Variants in ZNF732 observed in about 807,000 individuals in gnomAD.
The protein encoded by ZNF732 is zinc finger protein 732, also known as zinc finger protein LOC654254.
ZNF732 carries 12 observed loss-of-function variants against 11.5 expected under a neutral mutation model. The observed-to-expected ratio is 1.05, with a 90% CI of 0.67 to 1.70. The LOEUF (loss-of-function observed/expected upper bound fraction) is 1.70. ZNF732 is among the 40% of genes most tolerant of loss of function. ZNF732 has a pLI of 0.00. For synonymous variants in ZNF732, 231 were observed against 236.5 expected (o/e 0.98, Z 0.21); for missense variants, 702 against 676.9 (o/e 1.04, Z -0.41).
rs1553837037 is a variant in ZNF732 at position 270,863 on chromosome 4, C to G, written c.*236G>C. The G allele has an allele frequency of 2.8e-6, 2 of 704,480 alleles. No individual in the cohort carries two copies. The allele number at this position is 704,480 out of a possible 1,614,324, so 43.6% of individuals were successfully genotyped here. A position where few individuals can be genotyped will look rare whatever the true frequency, so the allele number is the denominator to read the frequency against. Reference sequence around the variant, plus strand: ...TCTTCACATTTGTAGGGTTGCTCTCCAGCATCAATTTTCTTATGTTGATTC... The same window carrying G: ...TCTTCACATTTGTAGGGTTGCTCTCGAGCATCAATTTTCTTATGTTGATTC... On this transcript the variant is annotated 3_prime_UTR_variant, in exon 4 of 4. Transcript: ENST00000419098.
intron 1 of ZNF732, among the ~76,000 whole-genome samples, chr4:303,597 CA>C (rs1720162420): frequency 1.3e-5 from 2 of 152,178 alleles, no homozygotes; most frequent in Admixed American, 6.5e-5. Context: ...GCCTGGGCAA[CA>C]GAGTGAGACT....
At chr4:301,757 T>C (rs1240553984) in intron 1 of ZNF732, among the ~76,000 whole-genome samples, 1 of 152,142 alleles carries the variant, frequency 6.6e-6, no homozygotes, top group Non-Finnish European at 1.5e-5. Flanking sequence ...TTAGGAGATA[T>C]ACCTAATATA....
chr4:295,887 C>A, intron 2 of ZNF732, 142 bp downstream of exon 2: 9 of 1,075,326 alleles, frequency 8.4e-6, no homozygotes, highest in Non-Finnish European at 1.2e-5. Flanking sequence ...TTCTTTTTTA[C>A]ACCAGCAAAC....
intron 1 of ZNF732, among the ~76,000 whole-genome samples, chr4:300,611 GTATTT>G (rs1720097280): frequency 6.6e-6 from 1 of 152,108 alleles, no homozygotes; most frequent in Non-Finnish European, 1.5e-5. Context: ...AAAATAACTT[GTATTT>G]CTCAGATAAA....
At chr4:275,876 C>A (rs782109723) in intron 3 of ZNF732, among the ~76,000 whole-genome samples, 6 of 151,422 alleles carry the variant, frequency 4.0e-5, no homozygotes, top group Non-Finnish European at 7.4e-5. Context: ...AAATAAAAAA[C>A]AGAATTGTTT....
intron 3 of ZNF732, among the ~76,000 whole-genome samples, chr4:281,043 C>A (rs1719610296): frequency 1.3e-5 from 2 of 152,154 alleles, no homozygotes; most frequent in South Asian, 4.1e-4. Context: ...GCACTATAAG[C>A]TGGCTCCAAG....
chr4:299,582 A>T (rs556239664), intron 1 of ZNF732, among the ~76,000 whole-genome samples: 12 of 138,870 alleles, frequency 8.6e-5, no homozygotes, highest in Admixed American at 6.5e-4. Context: ...TATATAATTT[A>T]TATATAAATA....
Position 296,587 on chromosome 4 carries a change from C to T in ZNF732, c.4-432G>A, listed in dbSNP as rs1263553324. The stretch of plus-strand genomic sequence containing the variant: ...GGTGATGATTTCTCTTCAAATTGTC[C>T]GTGTGATCCTACTGCAACACTGGGC... On this transcript the variant is annotated intron_variant, in intron 1 of 3. Transcript: ENST00000419098. 3.9e-5 allele frequency among the ~76,000 whole-genome samples: 6 copies of T among 152,082 alleles called. No individual in the cohort carries two copies. In the East Asian group the frequency reaches 9.6e-4, roughly 24 times the overall value.
chr4:295,860 G>A lies in ZNF732; in HGVS notation c.130+169C>T, dbSNP rs115426268. On this transcript the variant is annotated intron_variant, in intron 2 of 3. Transcript: ENST00000419098. The stretch of plus-strand genomic sequence containing the variant: ...CAAGAAAAGAGAAGGTTTACGTAAA[G>A]ATAAAACATCTTAATATTCTTTTTT... Among the ~76,000 whole-genome samples the A allele has an allele frequency of 1.3e-3, 201 of 152,268 alleles. 1 individual carries two copies. The highest frequency in any genetic ancestry group is 4.3e-3 in the African/African-American group (179 of 41,562).
chr4:283,200 G>A (rs1362071772), intron 3 of ZNF732, among the ~76,000 whole-genome samples: 1 of 152,138 alleles, frequency 6.6e-6, no homozygotes, highest in Non-Finnish European at 1.5e-5. Context: ...ATTGTCATCA[G>A]ATGGGAATGA....
rs531923132 is a variant in ZNF732 at position 289,114 on chromosome 4, A to G, written c.226+6324T>C. 3.9e-5 allele frequency among the ~76,000 whole-genome samples: 6 copies of G among 152,374 alleles called. No homozygotes were observed. In the East Asian group the frequency reaches 1.2e-3, roughly 29 times the overall value. ...GCAAGAGTGAGTCATCTCACATGGT[A>G]GAAGCAGGAGCAAGTGTGTGGAAGA... On this transcript the variant is annotated intron_variant, in intron 3 of 3. Transcript: ENST00000419098.
At chr4:277,892 AAAC>A (rs1553839009) in intron 3 of ZNF732, among the ~76,000 whole-genome samples, 1 of 149,798 alleles carries the variant, frequency 6.7e-6, no homozygotes, top group Admixed American at 6.6e-5. Flanking sequence ...TAGCTAAAGA[AAAC>A]AAAATCAGTA....
intron 3 of ZNF732, among the ~76,000 whole-genome samples, chr4:287,597 C>T (rs1389763347): frequency 1.3e-5 from 2 of 151,874 alleles, no homozygotes; most frequent in African/African-American, 4.8e-5. Context: ...TATTCAAATT[C>T]AATGTAATCC....
chr4:295,954 A>C, intron 2 of ZNF732, 75 bp downstream of exon 2: 13 of 1,536,044 alleles, frequency 8.5e-6, no homozygotes, highest in East Asian at 2.3e-5. Flanking sequence ...AAGGTTCCCA[A>C]GAGACATTCT....
Position 271,941 on chromosome 4 carries a change from A to G in ZNF732, c.916T>C (p.Tyr306His), listed in dbSNP as rs782160289. Residue 306 changes from tyrosine to histidine, a missense_variant, in exon 4 of 4, where the codon TAC becomes CAC. By Grantham distance (83) the Tyr-to-His change is moderately conservative. Around this residue, in one of 3 missense-constraint regions of ZNF732, gnomAD observed 596 missense variants for 557.9 expected, o/e 1.07. Transcript: ENST00000419098. ...HKKIHTGEKL[Y>H]KCQECGKVFN... ...ACTTTGCCACATTCCTGACATTTGTAGAGTTTCTCTCCGGTATGAATTTTC... is the reference window on the plus strand; with the variant it reads ...ACTTTGCCACATTCCTGACATTTGTGGAGTTTCTCTCCGGTATGAATTTTC... 3 of 1,609,094 alleles carry G rather than the reference A, an allele frequency of 1.9e-6. No individual in the cohort carries two copies. Among genetic ancestry groups the G allele is most frequent in the Non-Finnish European group, 2.5e-6 (3 of 1,177,494 alleles).
chr4:287,524 T>C (rs1553840759), intron 3 of ZNF732, among the ~76,000 whole-genome samples: 1 of 152,112 alleles, frequency 6.6e-6, no homozygotes, highest in East Asian at 1.9e-4. Context: ...CAACACACTC[T>C]TGAACATACT....
At chr4:290,292 G>GA (rs1719817287) in intron 3 of ZNF732, among the ~76,000 whole-genome samples, 1 of 152,176 alleles carries the variant, frequency 6.6e-6, no homozygotes, top group Admixed American at 6.5e-5. Context: ...TACAGACAAG[G>GA]AAATTATGCA....
At chr4:299,230 G>C (rs1261733573) in intron 1 of ZNF732, among the ~76,000 whole-genome samples, 1 of 151,324 alleles carries the variant, frequency 6.6e-6, no homozygotes, top group Non-Finnish European at 1.5e-5. Context: ...TGACCTAAAA[G>C]GAAAAACCTG....
At chr4:301,832 C>T (rs1038184732) in intron 1 of ZNF732, among the ~76,000 whole-genome samples, 1 of 152,100 alleles carries the variant, frequency 6.6e-6, no homozygotes, top group Non-Finnish European at 1.5e-5. Context: ...CAAACCTGCA[C>T]GTTGTGCACA....
Sources: allele counts gnomAD v4.1 joint callset (sites outside exome capture counted in the v4.1 genomes callset), GRCh38; gene constraint gnomAD v4.1.1; regional missense constraint gnomAD v4.1.1; transcripts MANE v1.5; gene names NCBI Gene and HGNC (gene_info 2026-07-23, HGNC 2026-07-21).